Variants in BCAR3 observed in about 807,000 individuals in gnomAD.
BCAR3 encodes the protein BCAR3 adaptor protein, NSP family member, also known as breast cancer anti-estrogen resistance protein 3.
Under a neutral mutation model 80.1 loss-of-function variants are expected in BCAR3, and 37 were observed. The ratio of observed to expected loss-of-function variants is 0.46; its 90% CI spans 0.36 to 0.61. The LOEUF (loss-of-function observed/expected upper bound fraction) is 0.61. Among genes scored for constraint, BCAR3 ranks in the 20% least tolerant of loss-of-function variants. The pLI is 0.00. For synonymous variants in BCAR3, 389 were observed against 418.9 expected (o/e 0.93, Z 0.87); for missense variants, 978 against 1,068.2 (o/e 0.92, Z 1.18).
chr1:93,723,412 T>C (rs1650474355), intron 2 of BCAR3: 1 of 152,474 alleles, frequency 6.6e-6, no homozygotes, highest in Non-Finnish European at 1.5e-5. Context: ...CACACCACGA[T>C]GGAAGCTGCT....
chr1:93,749,586 C>CAAAAAA (rs1160570100), intron 2 of BCAR3, among the ~76,000 whole-genome samples: 2 of 69,408 alleles, frequency 2.9e-5, no homozygotes, highest in African/African-American at 9.4e-5. Flanking sequence ...GAGACTCCGT[C>CAAAAAA]AAAAAAAAAA....
intron 3 of BCAR3, among the ~76,000 whole-genome samples, chr1:93,594,010 C>T (rs1225494687): frequency 2.0e-5 from 3 of 152,200 alleles, no homozygotes; most frequent in African/African-American, 7.2e-5. Context: ...TGATGTTTGA[C>T]ACCGTCCGCT....
chr1:93,789,122 A>C (rs1653049507), intron 2 of BCAR3, among the ~76,000 whole-genome samples: 1 of 152,062 alleles, frequency 6.6e-6, no homozygotes, highest in African/African-American at 2.4e-5. Flanking sequence ...CAGCCTCCCA[A>C]GTAGCTGGAA....
intron 2 of BCAR3, among the ~76,000 whole-genome samples, chr1:93,758,178 A>G (rs1051713673): frequency 6.7e-6 from 1 of 148,510 alleles, no homozygotes; most frequent in African/African-American, 2.6e-5. Flanking sequence ...GTCTTGGTTC[A>G]TAAGGGAGAT....
chr1:93,771,534 A>G (rs1652355894), intron 2 of BCAR3, among the ~76,000 whole-genome samples: 1 of 152,232 alleles, frequency 6.6e-6, no homozygotes. Context: ...CAGTGGAACA[A>G]TGAAGTGAAC....
chr1:93,573,359 C>T (rs1481591726), intron 8 of BCAR3, among the ~76,000 whole-genome samples: 1 of 151,996 alleles, frequency 6.6e-6, no homozygotes, highest in Non-Finnish European at 1.5e-5. Flanking sequence ...TGCGCCACTG[C>T]ACTCCAGCCT....
chr1:93,842,672 G>A (rs1454166969), intron 2 of BCAR3, among the ~76,000 whole-genome samples: 1 of 152,074 alleles, frequency 6.6e-6, no homozygotes, highest in Non-Finnish European at 1.5e-5. Context: ...CTTTTCTCAT[G>A]CCAAATGCTT....
chr1:93,618,935 T>TG (rs890025619), intron 3 of BCAR3, among the ~76,000 whole-genome samples: 4 of 150,540 alleles, frequency 2.7e-5, no homozygotes, highest in South Asian at 2.1e-4. Context: ...TTTTTTTTTT[T>TG]TTTGTTTTTT....
At chr1:93,669,523 C>A (rs562700450) in intron 2 of BCAR3, among the ~76,000 whole-genome samples, 1 of 152,318 alleles carries the variant, frequency 6.6e-6, no homozygotes, top group South Asian at 2.1e-4. Context: ...CTCATGCAAA[C>A]TAATGAAACA....
intron 2 of BCAR3, among the ~76,000 whole-genome samples, chr1:93,716,110 A>G (rs1041265695): frequency 2.0e-5 from 3 of 152,232 alleles, no homozygotes; most frequent in Admixed American, 2.0e-4. Context: ...GTGGTCTCAG[A>G]AGGAGCCAAG....
intron 3 of BCAR3, among the ~76,000 whole-genome samples, chr1:93,620,100 G>A (rs750371748): frequency 3.3e-5 from 5 of 152,108 alleles, no homozygotes; most frequent in Middle Eastern, 3.4e-3. Context: ...CACTGTACTC[G>A]CAGGGCACAC....
At chr1:93,602,574 C>T (rs932282791) in intron 3 of BCAR3, 1 of 152,226 alleles carries the variant, frequency 6.6e-6, no homozygotes, top group African/African-American at 2.4e-5. Context: ...AAATCCAACC[C>T]GAAATGAAGT....
rs143355118 is a variant in BCAR3 at position 93,663,558 on chromosome 1, G to A, written c.317+11056C>T. On this transcript the variant is annotated intron_variant, in intron 2 of 11. Transcript: ENST00000260502. ...ATCAATCCAGTGGAGCAATACAAAG[G>A]GCTATACCGTGGATGAGAAATTAGG... Among the ~76,000 whole-genome samples the A allele has an allele frequency of 1.8e-4, 27 of 152,302 alleles. No individual in the cohort carries two copies. In the East Asian group the frequency reaches 5.2e-3, roughly 29 times the overall value.
At chr1:93,704,157 A>C (rs1471618796) in intron 3 of BCAR3, among the ~76,000 whole-genome samples, 2 of 152,148 alleles carry the variant, frequency 1.3e-5, no homozygotes, top group African/African-American at 4.8e-5. Flanking sequence ...CTCTTTGTGG[A>C]GGTGCCTTCA....
At chr1:93,712,237 C>T (rs888594520) in intron 2 of BCAR3, among the ~76,000 whole-genome samples, 2 of 152,256 alleles carry the variant, frequency 1.3e-5, no homozygotes, top group Non-Finnish European at 2.9e-5. Context: ...CTGTCCCCGA[C>T]CCTGGTTCAC....
At chr1:93,690,860 T>A (rs1183086482) in intron 3 of BCAR3, among the ~76,000 whole-genome samples, 1 of 152,216 alleles carries the variant, frequency 6.6e-6, no homozygotes, top group Non-Finnish European at 1.5e-5. Context: ...CTAGGCCATT[T>A]TCTTGACTGG....
At chr1:93,780,022 C>T (rs143318230) in intron 2 of BCAR3, among the ~76,000 whole-genome samples, 258 of 152,306 alleles carry the variant, frequency 1.7e-3, no homozygotes, top group African/African-American at 6.1e-3. Flanking sequence ...CTCCTTCCCA[C>T]TGACCTCATC....
At chr1:93,677,154 A>G (rs926451373) in intron 1 of BCAR3, among the ~76,000 whole-genome samples, 8 of 152,246 alleles carry the variant, frequency 5.3e-5, no homozygotes, top group African/African-American at 1.9e-4. Context: ...AGAGGCCCTT[A>G]TGCTGAAAGG....
At chr1:93,641,958 G>A (rs1427392016) in intron 3 of BCAR3, among the ~76,000 whole-genome samples, 3 of 152,138 alleles carry the variant, frequency 2.0e-5, no homozygotes, top group Non-Finnish European at 2.9e-5. Flanking sequence ...ATTCTTACTT[G>A]TCACTGTGAA....
Sources: allele counts gnomAD v4.1 joint callset (sites outside exome capture counted in the v4.1 genomes callset), GRCh38; gene constraint gnomAD v4.1.1; transcripts MANE v1.5; gene names NCBI Gene and HGNC (gene_info 2026-07-23, HGNC 2026-07-21).